The following PLS1 variants were observed in gnomAD, a reference collection of about 807,000 sequenced individuals.
PLS1 encodes the protein plastin 1.
Under a neutral mutation model 73.7 loss-of-function variants are expected in PLS1, and 32 were observed. The observed-to-expected ratio is 0.43, with a 90% CI of 0.33 to 0.58. The LOEUF is 0.58. PLS1 is among the 20% of genes least tolerant of loss of function. The pLI, the probability that PLS1 is intolerant of heterozygous loss-of-function variation, is 0.04. For synonymous variants in PLS1, 217 were observed against 261.3 expected, an observed-to-expected ratio of 0.83 and a Z score of 1.63; for missense variants, 633 against 740.5, an observed-to-expected ratio of 0.85 and a Z score of 1.68.
intron 14 of PLS1, among the ~76,000 whole-genome samples, chr3:142,709,219 C>G (rs1250084029): frequency 6.6e-6 from 1 of 152,082 alleles, no homozygotes; most frequent in Non-Finnish European, 1.5e-5. Flanking sequence ...TCATAGATAA[C>G]CTGACATTAG....
intron 2 of PLS1, among the ~76,000 whole-genome samples, chr3:142,664,774 G>T (rs1177584219): frequency 6.6e-6 from 1 of 151,976 alleles, no homozygotes; most frequent in African/African-American, 2.4e-5. Context: ...GAAAGTCTTA[G>T]TATTGTTTTT....
At chr3:142,689,584 C>T (rs2038045494) in intron 9 of PLS1, 34 bp from the exon 10 acceptor site, 1 of 1,361,240 alleles carries the variant, frequency 7.3e-7, no homozygotes, top group South Asian at 1.6e-5. Flanking sequence ...CCAATTAAAA[C>T]TTCAATTGTA....
chr3:142,658,127 G>T (rs141233598), intron 1 of PLS1, among the ~76,000 whole-genome samples: 37 of 152,174 alleles, frequency 2.4e-4, no homozygotes, highest in African/African-American at 8.4e-4. Context: ...TCACTTCCTA[G>T]ATTGAGCAGA....
At chr3:142,634,326 T>A (rs577569719) in intron 1 of PLS1, among the ~76,000 whole-genome samples, 1 of 152,300 alleles carries the variant, frequency 6.6e-6, no homozygotes, top group East Asian at 1.9e-4. Flanking sequence ...AGATGCTCAG[T>A]GAACCCCAAA....
chr3:142,685,003 GTTTC>G (rs2037934609), intron 8 of PLS1, among the ~76,000 whole-genome samples: 1 of 152,112 alleles, frequency 6.6e-6, no homozygotes, highest in African/African-American at 2.4e-5. Flanking sequence ...TCTTCTCTCT[GTTTC>G]TTTATGTCCT....
At chr3:142,710,587 G>A (rs1219996362) in intron 14 of PLS1, among the ~76,000 whole-genome samples, 1 of 152,080 alleles carries the variant, frequency 6.6e-6, no homozygotes, top group Admixed American at 6.6e-5. Context: ...TTCACTCCTG[G>A]AACTATGAAT....
intron 1 of PLS1, among the ~76,000 whole-genome samples, chr3:142,614,961 C>T (rs559273702): frequency 2.6e-5 from 4 of 152,072 alleles, no homozygotes; most frequent in Non-Finnish European, 4.4e-5. Flanking sequence ...GGCTATACTA[C>T]GGGTCTCAAG....
intron 1 of PLS1, among the ~76,000 whole-genome samples, chr3:142,609,161 G>C (rs890701890): frequency 1.3e-5 from 2 of 152,178 alleles, no homozygotes; most frequent in African/African-American, 4.8e-5. Context: ...ATTGATCACA[G>C]ATTAATACAA....
chr3:142,647,055 A>G (rs1452421741), intron 1 of PLS1, among the ~76,000 whole-genome samples: 5 of 152,282 alleles, frequency 3.3e-5, no homozygotes, highest in East Asian at 1.9e-4. Context: ...TAAGTTGGCC[A>G]ATGTTGGCCT....
In PLS1 at chr3:142,704,529, A is replaced by G. The variant is rs1255290997; in HGVS notation, c.1572A>G (p.Lys524=). The change falls in exon 14 of 16, where the codon AAA becomes AAG. Residue 524 remains lysine (K), a synonymous_variant. Transcript: ENST00000457734. The stretch of plus-strand genomic sequence containing the variant: ...AAGTAAATGATGAAATTATAATTAA[A>G]TGGGTCAATCAGACTCTTAAAAGTG... ...GEKVNDEIII[K]WVNQTLKSAN... 6.3e-7 allele frequency: 1 copy of G among 1,598,564 alleles called. No individual in the cohort carries two copies. The highest frequency in any genetic ancestry group is 1.1e-5 in the South Asian group (1 of 90,232).
At chr3:142,657,740 G>A (rs944318032) in intron 1 of PLS1, among the ~76,000 whole-genome samples, 14 of 151,984 alleles carry the variant, frequency 9.2e-5, no homozygotes, top group Admixed American at 6.6e-5. Flanking sequence ...CGCCCACCTC[G>A]CCCTCCCAAA....
At chr3:142,676,343 G>A (rs886214837) in intron 5 of PLS1, 54 bp downstream of exon 5, 10 of 1,550,296 alleles carry the variant, frequency 6.5e-6, no homozygotes, top group Non-Finnish European at 8.8e-6. Context: ...ACATTGATGA[G>A]CATTCCATGA....
intron 1 of PLS1, among the ~76,000 whole-genome samples, chr3:142,599,323 CTTTTTTTTTTT>C (rs869303176): frequency 2.3e-5 from 1 of 44,208 alleles, no homozygotes; most frequent in Admixed American, 2.8e-4. Context: ...CTCAGATATT[CTTTTTTTTTTT>C]TTTTTTTTTT....
At position 142,686,289 on chromosome 3, in the gene PLS1, G is replaced by C. The variant is rs373461016; in HGVS notation, c.894G>C (p.Ser298=). 2 of 1,587,776 alleles carry C rather than the reference G, an allele frequency of 1.3e-6. No individual in the cohort carries two copies. Among genetic ancestry groups the C allele is most frequent in the Admixed American group, 1.7e-5 (1 of 59,866 alleles). The change falls in exon 9 of 16, where the codon TCG becomes TCC. Residue 298 remains serine, a synonymous_variant. Transcript: ENST00000457734. The part of the protein sequence containing the change: ...ISNFSQDIKD[S]RAYFHLLNQI... ...TTTCATATCTTTCCTTGAAGGACTCGAGAGCCTATTTTCATCTGCTTAATC... is the reference window on the plus strand; with the variant it reads ...TTTCATATCTTTCCTTGAAGGACTCCAGAGCCTATTTTCATCTGCTTAATC...
At chr3:142,636,905 G>A (rs1309267451) in intron 1 of PLS1, among the ~76,000 whole-genome samples, 1 of 152,146 alleles carries the variant, frequency 6.6e-6, no homozygotes, top group Non-Finnish European at 1.5e-5. Flanking sequence ...TAGAAAGATC[G>A]ATCATACCAC....
In PLS1 at chr3:142,649,199, G is replaced by T. The variant is rs78381090; in HGVS notation, c.-36-15003G>T. Among the ~76,000 whole-genome samples the T allele has an allele frequency of 1.7e-4, 26 of 152,076 alleles. No individual in the cohort carries two copies. In the East Asian group the frequency reaches 4.3e-3, roughly 25 times the overall value. On this transcript the variant is annotated intron_variant, in intron 1 of 15. Coordinates refer to ENST00000457734, the MANE Select transcript of PLS1 (RefSeq NM_001145319.2). ...GAATTAAAAGTTAATAGGTACACAG[G>T]CTTGGTGGTACACGCCTGTAGTCCC...
chr3:142,601,036 G>C (rs1459032459), intron 1 of PLS1, among the ~76,000 whole-genome samples: 1 of 140,372 alleles, frequency 7.1e-6, no homozygotes, highest in African/African-American at 2.7e-5. Context: ...CCATTCTCCT[G>C]CCTCAGCCTC....
At chr3:142,664,575 C>G (rs2037436895) in intron 2 of PLS1, among the ~76,000 whole-genome samples, 1 of 152,152 alleles carries the variant, frequency 6.6e-6, no homozygotes, top group Admixed American at 6.5e-5. Context: ...ACTGAATACA[C>G]TTTACACGGT....
At chr3:142,678,155 A>G in intron 6 of PLS1, 42 bp downstream of exon 6, 2 of 906,900 alleles carry the variant, frequency 2.2e-6, no homozygotes, top group Non-Finnish European at 3.4e-6. Flanking sequence ...TACTATGCTG[A>G]GAAATATAAG....
Sources: gnomAD v4.1 joint callset for allele counts (sites outside exome capture counted in the v4.1 genomes callset) on GRCh38, gnomAD v4.1.1 for gene constraint, MANE v1.5 for transcripts, NCBI Gene and HGNC (gene_info 2026-07-23, HGNC 2026-07-21) for gene names.